TPMT: variants seen among roughly 807,000 people sequenced by gnomAD.
TPMT encodes S-adenosyl-L-methionine:thiopurine S-methyltransferase.
TPMT carries 18 observed loss-of-function variants against 34.2 expected under a neutral mutation model. The observed-to-expected ratio is 0.53, with a 90% CI of 0.36 to 0.78. The LOEUF is 0.78. Ranked by LOEUF, TPMT falls within the 30% of genes least tolerant of loss-of-function variation. TPMT has a pLI of 0.00. For synonymous variants in TPMT, 69 were observed against 92.4 expected (o/e 0.75, Z 1.45); for missense variants, 265 against 288.1 (o/e 0.92, Z 0.58).
At chr6:18,142,034 G>A (rs773161816) in intron 4 of TPMT, among the ~76,000 whole-genome samples, 6 of 152,042 alleles carry the variant, frequency 3.9e-5, no homozygotes, top group South Asian at 2.1e-4. Flanking sequence ...TTCCCAGCAC[G>A]TTATGTAAAC....
chr6:18,136,377 G>A lies in TPMT; in HGVS notation c.495-2488C>T, dbSNP rs374907046. On this transcript the variant is annotated intron_variant, in intron 6 of 8. Transcript: ENST00000309983. This position sits in a 1 kb window ranked among gnomAD's most constrained non-coding sequence, Gnocchi z 4.7. ...GAAAGAACAGAGCTGGAAATGTAAA[G>A]ACTGTCAGAGCGAATACCATGTATA... is the stretch of plus-strand genomic sequence containing the variant. 1.3e-5 allele frequency among the ~76,000 whole-genome samples: 2 copies of A among 152,240 alleles called. No individual in the cohort carries two copies. The highest frequency in any genetic ancestry group is 3.9e-4 in the East Asian group (2 of 5,180).
intron 6 of TPMT, among the ~76,000 whole-genome samples, chr6:18,134,603 T>C (rs1784009387): frequency 6.6e-6 from 1 of 152,088 alleles, no homozygotes; most frequent in Non-Finnish European, 1.5e-5. Context: ...GACCCATCAA[T>C]AGACTGAGCA....
rs780659290 is a variant in TPMT, at chr6:18,133,850, A to C, written c.534T>G (p.Phe178Leu). The change falls in exon 7 of 9, where the codon TTT (phenylalanine) becomes TTG (leucine). Residue 178 changes from phenylalanine to leucine, a missense_variant. Physicochemically the swap from Phe to Leu is conservative, Grantham distance 22 (BLOSUM62 0). Transcript: ENST00000309983. ...AAGAAAGAACACACAGGAGATACTG[A>C]AACTTCTTTCCCAGGAGGGAAAACA... ...DTMFSLLGKK[F>L]QYLLCVLSYD... 2 of 1,613,744 alleles carry C rather than the reference A, an allele frequency of 1.2e-6. No individual in the cohort carries two copies. The highest frequency in any genetic ancestry group is 1.7e-6 in the Non-Finnish European group (2 of 1,179,888).
Position 18,132,603 on chromosome 6 carries a change from C to G in TPMT, c.581-426G>C, listed in dbSNP as rs975672884. Among the ~76,000 whole-genome samples, 2 of 152,134 alleles carry G rather than the reference C, an allele frequency of 1.3e-5. No homozygotes were observed. The highest frequency in any genetic ancestry group is 4.8e-5 in the African/African-American group (2 of 41,438). On this transcript the variant is annotated intron_variant, in intron 7 of 8. Coordinates refer to ENST00000309983, the MANE Select transcript of TPMT (RefSeq NM_000367.5). This position sits in a 1 kb window ranked among gnomAD's most constrained non-coding sequence, Gnocchi z 4.8. ...AGAGCAGTATCCTCAGACTCCACCTCCAGACAGGGCCTGCTGTATTTTCTT... is the reference window on the plus strand; with the variant it reads ...AGAGCAGTATCCTCAGACTCCACCTGCAGACAGGGCCTGCTGTATTTTCTT...
rs1396956794 is a variant in TPMT, at chr6:18,131,473, G to A, written c.625+660C>T. ...TGCATGCCTCTGGTCCCAGAAACTTGGGAGGCTGAGGTGGGAGGATCACTT... is the reference window on the plus strand; with the variant it reads ...TGCATGCCTCTGGTCCCAGAAACTTAGGAGGCTGAGGTGGGAGGATCACTT... On this transcript the variant is annotated intron_variant, in intron 8 of 8. Transcript: ENST00000309983. The surrounding 1 kb of genome is among the most constrained non-coding windows in gnomAD (Gnocchi z 4.3). Among the ~76,000 whole-genome samples, 1 of 152,056 alleles carries A rather than the reference G, an allele frequency of 6.6e-6. No individual in the cohort carries two copies. Among genetic ancestry groups the A allele is most frequent in the Non-Finnish European group, 1.5e-5 (1 of 68,012 alleles).
At chr6:18,155,143 C>T (rs1784475039), upstream of TPMT, 1 of 35,528 alleles carries the variant, frequency 2.8e-5, no homozygotes, top group African/African-American at 1.3e-4. The surrounding 1 kb of genome is among the most constrained non-coding windows in gnomAD (Gnocchi z 6.2). Context: ...CCTCCGCCCG[C>T]GCCCCGCCTC....
In TPMT at chr6:18,129,894, C is replaced by T. The variant is rs1174806586; in HGVS notation, c.*774G>A. On this transcript the variant is annotated 3_prime_UTR_variant, in exon 9 of 9. Coordinates refer to ENST00000309983, the MANE Select transcript of TPMT (RefSeq NM_000367.5). ...GGGATGCTAGGATCTGAGTAAAAGA[C>T]AAGGGTTTATAGTAAAAACTAATCT... The T allele has an allele frequency of 1.3e-5, 2 of 152,118 alleles. No individual in the cohort carries two copies. The highest frequency in any genetic ancestry group is 2.9e-5 in the Non-Finnish European group (2 of 68,036). 9.4% of individuals were successfully genotyped at this position (152,118 alleles called of 1,614,324 possible).
intron 1 of TPMT, among the ~76,000 whole-genome samples, chr6:18,151,007 C>A (rs1431969944): frequency 6.6e-6 from 1 of 152,174 alleles, no homozygotes; most frequent in Non-Finnish European, 1.5e-5. Flanking sequence ...GGCCACTGAG[C>A]CTGGCCATCC....
In TPMT at chr6:18,145,868, C is replaced by A. The variant is rs370039907; in HGVS notation, c.233+1955G>T. Among the ~76,000 whole-genome samples, 220 of 152,230 alleles carry A rather than the reference C, an allele frequency of 1.4e-3. No individual in the cohort carries two copies. Among genetic ancestry groups the A allele is most frequent in the African/African-American group, 5.1e-3 (211 of 41,538 alleles). On this transcript the variant is annotated intron_variant, in intron 3 of 8. Coordinates refer to ENST00000309983, the MANE Select transcript of TPMT (RefSeq NM_000367.5). The surrounding 1 kb of genome is among the most constrained non-coding windows in gnomAD (Gnocchi z 5.6). The stretch of plus-strand genomic sequence containing the variant: ...GTGTGGTGGCTTATGCCTGTTATCC[C>A]AGCATGTTGGGAGGGAGGATCTCTT...
chr6:18,130,844 A>G lies in TPMT; in HGVS notation c.626-64T>C. ...GAATGACATCAGGGATTCTTTTAAA[A>G]ATACTCAAAATTGGCTGGGTGCGGT... is the stretch of plus-strand genomic sequence containing the variant. On this transcript the variant is annotated intron_variant, in intron 8 of 8. Transcript: ENST00000309983. The surrounding 1 kb of genome is among the most constrained non-coding windows in gnomAD (Gnocchi z 4.2). The G allele has an allele frequency of 7.0e-7, 1 of 1,421,860 alleles. No homozygotes were observed. Among genetic ancestry groups the G allele is most frequent in the Non-Finnish European group, 9.9e-7 (1 of 1,009,936 alleles). The allele number at this position is 1,421,860 out of a possible 1,614,324, so 88.1% of individuals were successfully genotyped here. A position where few individuals can be genotyped will look rare whatever the true frequency, so the allele number is the denominator to read the frequency against.
Position 18,135,333 on chromosome 6 carries a change from T to A in TPMT, c.495-1444A>T, listed in dbSNP as rs1784023888. On this transcript the variant is annotated intron_variant, in intron 6 of 8. Transcript: ENST00000309983. This position sits in a 1 kb window ranked among gnomAD's most constrained non-coding sequence, Gnocchi z 5.0. ...CTGAAAGACTTCATTCCTCTTAGAA[T>A]GTGAAGTTTTTCTCTCTCAACCAGT... Among the ~76,000 whole-genome samples, 1 of 152,170 alleles carries A rather than the reference T, an allele frequency of 6.6e-6. No individual in the cohort carries two copies. The highest frequency in any genetic ancestry group is 6.5e-5 in the Admixed American group (1 of 15,270).
Position 18,139,925 on chromosome 6 carries a change from G to A in TPMT, c.367-208C>T, listed in dbSNP as rs1463554524. Among the ~76,000 whole-genome samples, 3 of 152,016 alleles carry A rather than the reference G, an allele frequency of 2.0e-5. No homozygotes were observed. The highest frequency in any genetic ancestry group is 6.6e-5 in the Admixed American group (1 of 15,258). ...GAGGTTCTTTTGGGCCAACTCAGAG[G>A]AATATCACAGAGGACAACTTTGAAG... On this transcript the variant is annotated intron_variant, in intron 4 of 8. Coordinates refer to ENST00000309983, the MANE Select transcript of TPMT (RefSeq NM_000367.5). This position sits in a 1 kb window ranked among gnomAD's most constrained non-coding sequence, Gnocchi z 4.2.
Position 18,147,924 on chromosome 6 carries a change from G to GAA in TPMT, c.141-11_141-10dup. 17 of 1,259,992 alleles carry GAA rather than the reference G, an allele frequency of 1.3e-5. No individual in the cohort carries two copies. Among genetic ancestry groups the GAA allele is most frequent in the South Asian group, 5.7e-5 (4 of 70,326 alleles). The allele number at this position is 1,259,992 out of a possible 1,614,324, so 78.1% of individuals were successfully genotyped here. On this transcript the variant is annotated splice_polypyrimidine_tract_variant and intron_variant, in intron 2 of 8. Transcript: ENST00000309983. ...AATGCTTCTTTAATAGCCTGAAGAG[G>GAA]AAAAAAAAAAAGGTTTTAGGACAAT... is the stretch of plus-strand genomic sequence containing the variant.
Position 18,131,673 on chromosome 6 carries a change from T to C in TPMT, c.625+460A>G, listed in dbSNP as rs1476431983. Among the ~76,000 whole-genome samples, 2 of 152,332 alleles carry C rather than the reference T, an allele frequency of 1.3e-5. No homozygotes were observed. The highest frequency in any genetic ancestry group is 1.3e-4 in the Admixed American group (2 of 15,304). On this transcript the variant is annotated intron_variant, in intron 8 of 8. Coordinates refer to ENST00000309983, the MANE Select transcript of TPMT (RefSeq NM_000367.5). The surrounding 1 kb of genome is among the most constrained non-coding windows in gnomAD (Gnocchi z 4.3). ...ATATAGCATATATACAGAGCATATT[T>C]ACAGAGATTAGTTCCTTTTCTAAGA...
rs1481141284 is a variant in TPMT at position 18,149,351 on chromosome 6, T to A, written c.-44-180A>T. On this transcript the variant is annotated intron_variant, in intron 1 of 8. Coordinates refer to ENST00000309983, the MANE Select transcript of TPMT (RefSeq NM_000367.5). This position sits in a 1 kb window ranked among gnomAD's most constrained non-coding sequence, Gnocchi z 5.0. Reference sequence around the variant, plus strand: ...TGTCTCCCAGCCTGGGGTACAGTAGTGTGATCTTGGCTCACTGCAACCTCT... The same window carrying A: ...TGTCTCCCAGCCTGGGGTACAGTAGAGTGATCTTGGCTCACTGCAACCTCT... 6.6e-6 allele frequency among the ~76,000 whole-genome samples: 1 copy of A among 152,204 alleles called. No individual in the cohort carries two copies.
At position 18,145,096 on chromosome 6, in the gene TPMT, T is replaced by G. The variant is rs1210189137; in HGVS notation, c.234-1368A>C. Among the ~76,000 whole-genome samples, 1 of 152,154 alleles carries G rather than the reference T, an allele frequency of 6.6e-6. No homozygotes were observed. Among genetic ancestry groups the G allele is most frequent in the Non-Finnish European group, 1.5e-5 (1 of 68,018 alleles). ...ACAAATATCTAGGCACAGTTATGAT[T>G]TTATGTCAAGTGAAATAAAAACATA... On this transcript the variant is annotated intron_variant, in intron 3 of 8. Coordinates refer to ENST00000309983, the MANE Select transcript of TPMT (RefSeq NM_000367.5). The surrounding 1 kb of genome is among the most constrained non-coding windows in gnomAD (Gnocchi z 5.6).
chr6:18,139,596 C>T lies in TPMT; in HGVS notation c.419+69G>A. Reference sequence around the variant, plus strand: ...AGGAAGAGAGTGAGGAAGACACCTCCACTCCCATGCCTGCACTGCCTGGCA... The same window carrying T: ...AGGAAGAGAGTGAGGAAGACACCTCTACTCCCATGCCTGCACTGCCTGGCA... On this transcript the variant is annotated intron_variant, in intron 5 of 8. Transcript: ENST00000309983. This position sits in a 1 kb window ranked among gnomAD's most constrained non-coding sequence, Gnocchi z 4.2. 1 of 1,253,238 alleles carries T rather than the reference C, an allele frequency of 8.0e-7. No homozygotes were observed. The highest frequency in any genetic ancestry group is 1.7e-5 in the Admixed American group (1 of 58,470). The allele number at this position is 1,253,238 out of a possible 1,614,324, so 77.6% of individuals were successfully genotyped here. A position where few individuals can be genotyped will look rare whatever the true frequency, so the allele number is the denominator to read the frequency against.
intron 6 of TPMT, among the ~76,000 whole-genome samples, chr6:18,137,806 A>T (rs768812770): frequency 2.0e-5 from 3 of 152,134 alleles, no homozygotes; most frequent in Non-Finnish European, 2.9e-5. Context: ...TTTTTTTGAA[A>T]TGGAGGGTCG....
In TPMT at chr6:18,139,251, C is replaced by T. The variant is rs902457648; in HGVS notation, c.420-214G>A. On this transcript the variant is annotated intron_variant, in intron 5 of 8. Coordinates refer to ENST00000309983, the MANE Select transcript of TPMT (RefSeq NM_000367.5). This position sits in a 1 kb window ranked among gnomAD's most constrained non-coding sequence, Gnocchi z 4.2. ...AGCCTGTGGCAGCAGCCTCCCCACT[C>T]TGTTATGATTTGGGGACATGAAGAA... 2.0e-5 allele frequency among the ~76,000 whole-genome samples: 3 copies of T among 152,198 alleles called. No individual in the cohort carries two copies. The highest frequency in any genetic ancestry group is 4.4e-5 in the Non-Finnish European group (3 of 68,046).
Sources: allele counts gnomAD v4.1 joint callset (sites outside exome capture counted in the v4.1 genomes callset), GRCh38; gene constraint gnomAD v4.1.1; non-coding constraint Gnocchi (gnomAD v3.1); transcripts MANE v1.5; gene names NCBI Gene and HGNC (gene_info 2026-07-23, HGNC 2026-07-21).